The following CAPS2 variants were observed in gnomAD, a reference collection of about 807,000 sequenced individuals.
CAPS2 encodes the protein calcyphosine 2, also known as calcyphosin-2.
In CAPS2, 98 loss-of-function variants were observed where a neutral mutation model predicts 86.5. The ratio of observed to expected loss-of-function variants is 1.13; its 90% CI spans 0.96 to 1.34. The LOEUF (loss-of-function observed/expected upper bound fraction) is 1.34. CAPS2 is among the 40% of genes most tolerant of loss of function. The probability of loss-of-function intolerance (pLI) is 0.00; values close to 1 mark genes in which losing one functional copy is unlikely to be tolerated. For synonymous variants in CAPS2, 210 were observed against 225.1 expected, an observed-to-expected ratio of 0.93 and a Z score of 0.60; for missense variants, 729 against 686.8, an observed-to-expected ratio of 1.06 and a Z score of -0.69.
At chr12:75,342,127 G>C (rs1260215242) in intron 1 of CAPS2, among the ~76,000 whole-genome samples, 1 of 152,148 alleles carries the variant, frequency 6.6e-6, no homozygotes, top group African/African-American at 2.4e-5. Flanking sequence ...AGATAGTGTG[G>C]GTAGTGAGTG....
At chr12:75,312,852 A>C (rs749169823) in exon 7 of CAPS2, 1 of 1,563,330 alleles carries the variant, frequency 6.4e-7, no homozygotes, top group Admixed American at 1.7e-5. Flanking sequence ...TCTCACCTAG[A>C]TAAGTGGTCT....
At chr12:75,301,320 G>A (rs2037787063) in intron 8 of CAPS2, among the ~76,000 whole-genome samples, 1 of 152,188 alleles carries the variant, frequency 6.6e-6, no homozygotes, top group Non-Finnish European at 1.5e-5. Context: ...AAAGGAAGCA[G>A]GGAACAGGAA....
At chr12:75,280,917 A>C (rs897258403) in intron 16 of CAPS2, among the ~76,000 whole-genome samples, 1 of 151,902 alleles carries the variant, frequency 6.6e-6, no homozygotes, top group Admixed American at 6.6e-5. Context: ...AATAGTAAGG[A>C]ATAAAATTCT....
chr12:75,285,664 T>C (rs2034746882), intron 14 of CAPS2, among the ~76,000 whole-genome samples: 1 of 151,956 alleles, frequency 6.6e-6, no homozygotes, highest in Non-Finnish European at 1.5e-5. Context: ...CTTTAATTTA[T>C]TTCTATATCT....
At chr12:75,329,992 T>G, upstream of CAPS2, 69 of 734,266 alleles carry the variant, frequency 9.4e-5, no homozygotes, top group Middle Eastern at 2.5e-4. Flanking sequence ...ACTAGCGCGA[T>G]TCCTCCAAAA....
chr12:75,359,372 T>TC (rs2043405095), intron 1 of CAPS2, among the ~76,000 whole-genome samples: 1 of 138,360 alleles, frequency 7.2e-6, no homozygotes, highest in African/African-American at 2.7e-5. Context: ...TTTTTTTTTT[T>TC]TTTTTTTTTT....
chr12:75,387,492 T>C (rs1430559456), intron 1 of CAPS2, among the ~76,000 whole-genome samples: 2 of 152,162 alleles, frequency 1.3e-5, no homozygotes, highest in East Asian at 3.8e-4. Flanking sequence ...TGGAACATAG[T>C]TTAGCAGTTT....
rs147905207 is a variant in CAPS2, at chr12:75,340,035, A to G, written c.-394-16813T>C. On this transcript the variant is annotated intron_variant, in intron 1 of 5. Transcript: ENST00000551829. ...TCCATTCCTGAGTTACTTCAATTAG[A>G]ATAATGGTCTCCAACTCCATCCAGG... is the stretch of plus-strand genomic sequence containing the variant. 5.3e-3 allele frequency among the ~76,000 whole-genome samples: 803 copies of G among 152,130 alleles called. 6 individuals carry two copies. Among genetic ancestry groups the G allele is most frequent in the African/African-American group, 0.019 (771 of 41,492 alleles).
rs566583905 is a variant in CAPS2 at position 75,389,119 on chromosome 12, G to T, written c.-395+1719C>A. ...TAAAGGGATAATAACTATTTCTTAA[G>T]ATTTGTGTGACTTGAGTGAGTTGAT... On this transcript the variant is annotated intron_variant, in intron 1 of 5. Coordinates refer to the CAPS2 transcript ENST00000551829. Among the ~76,000 whole-genome samples, 12 of 152,270 alleles carry T rather than the reference G, an allele frequency of 7.9e-5. No homozygotes were observed. The East Asian group carries it at 2.3e-3, about 29-fold the overall frequency.
intron 1 of CAPS2, among the ~76,000 whole-genome samples, chr12:75,374,114 C>T (rs192788374): frequency 1.5e-4 from 23 of 152,296 alleles, no homozygotes; most frequent in Non-Finnish European, 1.5e-5. Flanking sequence ...CTGTGATTCA[C>T]CTATGGGAGC....
At chr12:75,339,384 C>T (rs2041951734) in intron 1 of CAPS2, among the ~76,000 whole-genome samples, 1 of 151,898 alleles carries the variant, frequency 6.6e-6, no homozygotes, top group Non-Finnish European at 1.5e-5. Flanking sequence ...GTTTTTTTGG[C>T]CATATGTATG....
chr12:75,294,028 G>A (rs997270473), intron 11 of CAPS2, among the ~76,000 whole-genome samples: 5 of 152,118 alleles, frequency 3.3e-5, no homozygotes, highest in South Asian at 2.1e-4. Context: ...TGACTCAGGG[G>A]TCCCAGAAAT....
At chr12:75,311,247 C>A (rs1466123380) in intron 7 of CAPS2, among the ~76,000 whole-genome samples, 2 of 152,074 alleles carry the variant, frequency 1.3e-5, no homozygotes, top group Non-Finnish European at 2.9e-5. Flanking sequence ...CCAGGAGACA[C>A]ACAAAATAAG....
At chr12:75,322,279 G>A (rs1322134828) in intron 4 of CAPS2, among the ~76,000 whole-genome samples, 5 of 152,040 alleles carry the variant, frequency 3.3e-5, no homozygotes, top group Non-Finnish European at 7.4e-5. Context: ...CAGTGGATAA[G>A]AGAAACCTAA....
chr12:75,304,652 A>T, intron 8 of CAPS2, 105 bp downstream of exon 8: 1 of 867,342 alleles, frequency 1.2e-6, no homozygotes, highest in African/African-American at 1.7e-5. Flanking sequence ...TTATATAGAA[A>T]AAAGTGAAAC....
intron 1 of CAPS2, among the ~76,000 whole-genome samples, chr12:75,367,697 T>C (rs2044074533): frequency 6.6e-6 from 1 of 152,170 alleles, no homozygotes; most frequent in Non-Finnish European, 1.5e-5. Context: ...TTCTGACAGT[T>C]TATTGATTTT....
intron 14 of CAPS2, among the ~76,000 whole-genome samples, chr12:75,289,183 C>T (rs768800818): frequency 6.6e-5 from 10 of 152,140 alleles, no homozygotes; most frequent in Non-Finnish European, 1.3e-4. Context: ...TTTTCTCCCT[C>T]GTCTGGTTAA....
At chr12:75,298,515 G>C (rs1237888786) in intron 11 of CAPS2, 172 bp downstream of exon 11, 1 of 528,658 alleles carries the variant, frequency 1.9e-6, no homozygotes, top group Non-Finnish European at 3.4e-6. Context: ...TTTGGGGCTG[G>C]GAAGCAGAAG....
chr12:75,315,432 T>C (rs2039656762), intron 6 of CAPS2, among the ~76,000 whole-genome samples: 1 of 152,162 alleles, frequency 6.6e-6, no homozygotes, highest in African/African-American at 2.4e-5. Context: ...AATGTGCATG[T>C]GGTTTAAGTA....
Sources: gnomAD v4.1 joint callset for allele counts (sites outside exome capture counted in the v4.1 genomes callset) on GRCh38, gnomAD v4.1.1 for gene constraint, MANE v1.5 for transcripts, NCBI Gene and HGNC (gene_info 2026-07-23, HGNC 2026-07-21) for gene names.